INPP5D: variants seen among roughly 807,000 people sequenced by gnomAD.
INPP5D encodes phosphatidylinositol 3,4,5-trisphosphate 5-phosphatase 1.
A neutral mutation model predicts 122.9 loss-of-function variants in INPP5D; 33 were observed. The observed-to-expected ratio is 0.27, with a 90% CI of 0.20 to 0.36. The LOEUF (loss-of-function observed/expected upper bound fraction) is 0.36, where lower values mean the gene tolerates loss of function less well. Among genes scored for constraint, INPP5D ranks in the 10% least tolerant of loss-of-function variants. The pLI, the probability that INPP5D is intolerant of heterozygous loss-of-function variation, is 1.00. For synonymous variants in INPP5D, 584 were observed against 576.2 expected, an observed-to-expected ratio of 1.01 and a Z score of -0.19; for missense variants, 1,053 against 1,412.7, an observed-to-expected ratio of 0.75 and a Z score of 4.08.
At chr2:233,174,968 T>G (rs573266753) in intron 17 of INPP5D, among the ~76,000 whole-genome samples, 1 of 152,174 alleles carries the variant, frequency 6.6e-6, no homozygotes, top group African/African-American at 2.4e-5. Flanking sequence ...GGCTCACGCC[T>G]ATAATCCCAG....
chr2:233,121,117 C>T (rs1165205782), intron 2 of INPP5D, among the ~76,000 whole-genome samples: 5 of 128,624 alleles, frequency 3.9e-5, no homozygotes, highest in African/African-American at 1.5e-4. Flanking sequence ...TTCTTTCTTT[C>T]TTTCTTTTTT....
In INPP5D at chr2:233,125,381, C is replaced by T. The variant is rs142612494; in HGVS notation, c.350-364C>T. 1.1e-3 allele frequency among the ~76,000 whole-genome samples: 170 copies of T among 152,342 alleles called. 1 individual carries two copies. Among genetic ancestry groups the T allele is most frequent in the African/African-American group, 3.5e-3 (146 of 41,588 alleles). ...GCCTCTGCCTAGCCCAGGGCTCAGC[C>T]ATCATGAGACAGGTGTCTCAGCCCC... On this transcript the variant is annotated intron_variant, in intron 3 of 26. Coordinates refer to ENST00000445964, the MANE Select transcript of INPP5D (RefSeq NM_001017915.3).
At chr2:233,149,094 C>A (rs926532082) in intron 9 of INPP5D, among the ~76,000 whole-genome samples, 2 of 142,838 alleles carry the variant, frequency 1.4e-5, no homozygotes, top group African/African-American at 2.6e-5. Flanking sequence ...CAGGCATGAT[C>A]AGCACCTTTT....
At chr2:233,204,831 T>A in intron 26 of INPP5D, 114 bp downstream of exon 26, 1 of 1,393,890 alleles carries the variant, frequency 7.2e-7, no homozygotes, top group African/African-American at 1.5e-5. Context: ...CATGCATATG[T>A]GCGTGCATGT....
At chr2:233,165,716 C>A (rs1011012372) in intron 13 of INPP5D, among the ~76,000 whole-genome samples, 1 of 151,892 alleles carries the variant, frequency 6.6e-6, no homozygotes, top group African/African-American at 2.4e-5. Context: ...GAGTGTACCA[C>A]CCCATATCTA....
rs1191653828 is a variant in INPP5D at position 233,204,821 on chromosome 2, C to T, written c.3567+104C>T. ...ATGTGTGTGCATGTGTGTGTGCACG[C>T]ATGCATATGTGCGTGCATGTGTGAA... On this transcript the variant is annotated intron_variant, in intron 26 of 26. Transcript: ENST00000445964. The T allele has an allele frequency of 4.3e-6, 6 of 1,410,514 alleles. No individual in the cohort carries two copies. The East Asian group carries it at 7.6e-5, about 18-fold the overall frequency. The allele number at this position is 1,410,514 out of a possible 1,614,324, so 87.4% of individuals were successfully genotyped here.
At chr2:233,072,421 T>C (rs1468596076) in intron 1 of INPP5D, among the ~76,000 whole-genome samples, 1 of 152,214 alleles carries the variant, frequency 6.6e-6, no homozygotes, top group Non-Finnish European at 1.5e-5. Context: ...CTGAAACTTA[T>C]TTAGGGTTTT....
chr2:233,072,182 C>T (rs1479712091), intron 1 of INPP5D, among the ~76,000 whole-genome samples: 1 of 152,192 alleles, frequency 6.6e-6, no homozygotes, highest in African/African-American at 2.4e-5. Context: ...TGCTGTTTGT[C>T]ATGTCCAAGA....
intron 2 of INPP5D, among the ~76,000 whole-genome samples, chr2:233,092,581 G>A (rs1692021155): frequency 6.6e-6 from 1 of 152,160 alleles, no homozygotes; most frequent in Non-Finnish European, 1.5e-5. Context: ...TCGAAGGGGA[G>A]GAGTTTAAAT....
rs907521970 is a variant in INPP5D, at chr2:233,141,125, T to A, written c.753+1196T>A. 2.6e-5 allele frequency: 4 copies of A among 152,104 alleles called. No individual in the cohort carries two copies. In the East Asian group the frequency reaches 7.7e-4, roughly 29 times the overall value. 9.4% of individuals were successfully genotyped at this position (152,104 alleles called of 1,614,324 possible). On this transcript the variant is annotated intron_variant, in intron 6 of 26. Coordinates refer to ENST00000445964, the MANE Select transcript of INPP5D (RefSeq NM_001017915.3). The stretch of plus-strand genomic sequence containing the variant: ...TCACAGGGGCTCACTCCTCTGCTGT[T>A]GGGAATGGAAATGGGTTTTCTGAAC...
chr2:233,070,247 T>A (rs1031910313), intron 1 of INPP5D, among the ~76,000 whole-genome samples: 4 of 152,172 alleles, frequency 2.6e-5, no homozygotes, highest in Non-Finnish European at 4.4e-5. Flanking sequence ...TTAAGTTTTA[T>A]GATTTTTTTT....
At chr2:233,144,100 G>T (rs2106276502) in intron 6 of INPP5D, among the ~76,000 whole-genome samples, 1 of 150,400 alleles carries the variant, frequency 6.6e-6, no homozygotes, top group Non-Finnish European at 1.5e-5. Flanking sequence ...TGGAGATAGT[G>T]GTAGTGATGG....
chr2:233,165,898 A>G (rs890788436), intron 13 of INPP5D, among the ~76,000 whole-genome samples: 3 of 152,038 alleles, frequency 2.0e-5, no homozygotes, highest in African/African-American at 7.3e-5. Flanking sequence ...GGTGGTATAC[A>G]CACAGGGCTC....
chr2:233,195,271 C>A, intron 23 of INPP5D, 128 bp from the exon 24 acceptor site: 2 of 1,424,226 alleles, frequency 1.4e-6, no homozygotes, highest in South Asian at 1.2e-5. Context: ...TCTTGCTTAA[C>A]TCACCTCTCC....
chr2:233,134,301 T>G, intron 5 of INPP5D: 1 of 273,748 alleles, frequency 3.7e-6, no homozygotes, highest in Non-Finnish European at 7.3e-6. Context: ...TCATGGGGGA[T>G]GCATATGGGG....
Position 233,189,883 on chromosome 2 carries a change from C to G in INPP5D, c.2392C>G (p.Leu798Val). ...KPIISDPEYL[L>V]DQHILISIKS... is the part of the protein sequence containing the mutation. ...CATTATCTCTGACCCTGAGTACCTG[C>G]TAGACCAGCACATCCTCATCAGCAT... Residue 798 changes from leucine to valine, a missense_variant, in exon 22 of 27, where the codon CTA (leucine) becomes GTA (valine). Transcript: ENST00000445964. This position sits in a 1 kb window ranked among gnomAD's most constrained non-coding sequence, Gnocchi z 5.6. 6.2e-7 allele frequency: 1 copy of G among 1,613,548 alleles called. No individual in the cohort carries two copies. The highest frequency in any genetic ancestry group is 8.5e-7 in the Non-Finnish European group (1 of 1,179,604).
chr2:233,087,863 C>T (rs1691893222), intron 2 of INPP5D, among the ~76,000 whole-genome samples: 1 of 152,168 alleles, frequency 6.6e-6, no homozygotes, highest in Non-Finnish European at 1.5e-5. Context: ...TATTGACTTG[C>T]TTTTCATGCC....
At chr2:233,081,324 G>A (rs1208950905) in intron 2 of INPP5D, among the ~76,000 whole-genome samples, 1 of 152,140 alleles carries the variant, frequency 6.6e-6, no homozygotes, top group African/African-American at 2.4e-5. Flanking sequence ...TGGCAGAGTT[G>A]GCATCTGTGA....
At chr2:233,158,581 G>A (rs1031919490) in intron 10 of INPP5D, among the ~76,000 whole-genome samples, 162 bp downstream of exon 10, 2 of 152,092 alleles carry the variant, frequency 1.3e-5, no homozygotes, top group Admixed American at 6.5e-5. Context: ...TGAGGATCAT[G>A]TTCCAGGTTG....
Sources: gnomAD v4.1 joint callset for allele counts (sites outside exome capture counted in the v4.1 genomes callset) on GRCh38, gnomAD v4.1.1 for gene constraint, Gnocchi (gnomAD v3.1) non-coding constraint, MANE v1.5 for transcripts, NCBI Gene and HGNC (gene_info 2026-07-23, HGNC 2026-07-21) for gene names.